CCDC30: variants seen among roughly 807,000 people sequenced by gnomAD.
The protein encoded by CCDC30 is coiled-coil domain-containing protein 30.
Under a neutral mutation model 100.2 loss-of-function variants are expected in CCDC30, and 70 were observed. The observed-to-expected ratio is 0.70, with a 90% CI of 0.58 to 0.85. The LOEUF (loss-of-function observed/expected upper bound fraction) is 0.85, where lower values mean the gene tolerates loss of function less well. Among genes scored for constraint, CCDC30 ranks in the 40% least tolerant of loss-of-function variants. The pLI is 0.00. For synonymous variants in CCDC30, 233 were observed against 269.5 expected, an observed-to-expected ratio of 0.86 and a Z score of 1.33; for missense variants, 652 against 771.2, an observed-to-expected ratio of 0.85 and a Z score of 1.83.
At chr1:42,563,929 T>C (rs1205819611) in intron 6 of CCDC30, among the ~76,000 whole-genome samples, 1 of 151,028 alleles carries the variant, frequency 6.6e-6, no homozygotes, top group African/African-American at 2.4e-5. Context: ...CCATTGAAGA[T>C]TTTTTTTTCC....
intron 12 of CCDC30, 31 bp from the exon 17 acceptor site, chr1:42,642,442 T>A: frequency 6.9e-7 from 1 of 1,451,432 alleles, no homozygotes; most frequent in Non-Finnish European, 9.1e-7. Flanking sequence ...TTTCTCCTGC[T>A]GTGGTAATTA....
chr1:42,480,493 C>T (rs1028543380), exon 2 of CCDC30: 13 of 281,382 alleles, frequency 4.6e-5, no homozygotes, highest in African/African-American at 2.5e-4. Flanking sequence ...GCATGATCTC[C>T]GTTCACTGCA....
At chr1:42,628,530 T>G (rs980059308) in intron 11 of CCDC30, among the ~76,000 whole-genome samples, 3 of 152,086 alleles carry the variant, frequency 2.0e-5, no homozygotes, top group African/African-American at 7.2e-5. Context: ...TATCTTGAAT[T>G]TTGTCTCCCA....
At chr1:42,628,132 G>C (rs1040620754) in intron 11 of CCDC30, among the ~76,000 whole-genome samples, 3 of 152,210 alleles carry the variant, frequency 2.0e-5, no homozygotes, top group African/African-American at 7.2e-5. Context: ...GCATCAGTGT[G>C]ACCTGGATGT....
chr1:42,603,763 C>T (rs1314454434), intron 10 of CCDC30, among the ~76,000 whole-genome samples: 1 of 152,174 alleles, frequency 6.6e-6, no homozygotes, highest in East Asian at 1.9e-4. Context: ...GATCCAGAAA[C>T]CATGCTCCTT....
At chr1:42,527,194 C>A (rs1256573562) in intron 6 of CCDC30, among the ~76,000 whole-genome samples, 1 of 152,184 alleles carries the variant, frequency 6.6e-6, no homozygotes, top group Non-Finnish European at 1.5e-5. Context: ...TTGTTGTACA[C>A]CCCTACTACA....
intron 6 of CCDC30, among the ~76,000 whole-genome samples, 163 bp from the exon 9 acceptor site, chr1:42,545,247 A>T (rs1276727956): frequency 6.6e-6 from 1 of 151,612 alleles, no homozygotes; most frequent in Non-Finnish European, 1.5e-5. Context: ...TAATATAACA[A>T]CTGCAAAGTA....
At chr1:42,626,056 T>C (rs1481187249) in intron 11 of CCDC30, among the ~76,000 whole-genome samples, 1 of 152,182 alleles carries the variant, frequency 6.6e-6, no homozygotes, top group Non-Finnish European at 1.5e-5. Flanking sequence ...ATATATGTAT[T>C]TATAATTGTT....
chr1:42,482,893 A>T, intron 3 of CCDC30, 77 bp downstream of exon 3: 1 of 824,814 alleles, frequency 1.2e-6, no homozygotes, highest in African/African-American at 2.1e-5. Flanking sequence ...GAACATGAGA[A>T]AAAAAAAAAA....
chr1:42,604,023 C>G (rs1205650602), intron 10 of CCDC30, among the ~76,000 whole-genome samples: 1 of 151,778 alleles, frequency 6.6e-6, no homozygotes, highest in Non-Finnish European at 1.5e-5. Flanking sequence ...AGTTTGAGAC[C>G]AACCTGAGCA....
intron 6 of CCDC30, among the ~76,000 whole-genome samples, chr1:42,533,666 GT>G (rs764254789): frequency 1.3e-5 from 2 of 152,322 alleles, no homozygotes; most frequent in South Asian, 2.1e-4. Flanking sequence ...CCACCTACAG[GT>G]GATGACCAGG....
At chr1:42,583,116 C>T (rs1318357539) in intron 9 of CCDC30, among the ~76,000 whole-genome samples, 1 of 152,092 alleles carries the variant, frequency 6.6e-6, no homozygotes, top group Non-Finnish European at 1.5e-5. Flanking sequence ...CACTGTGGCC[C>T]TCATCTTCAA....
chr1:42,640,760 G>C (rs745856075), intron 12 of CCDC30, among the ~76,000 whole-genome samples: 17 of 151,968 alleles, frequency 1.1e-4, no homozygotes, highest in African/African-American at 3.1e-4. Context: ...TGGGTGCGGT[G>C]GTGGGCACCT....
intron 6 of CCDC30, among the ~76,000 whole-genome samples, chr1:42,521,799 T>C (rs921505907): frequency 1.3e-5 from 2 of 151,904 alleles, no homozygotes; most frequent in Admixed American, 1.3e-4. Context: ...TAATATATAA[T>C]ATATTTTACA....
At chr1:42,584,095 T>C (rs1646021064) in intron 9 of CCDC30, among the ~76,000 whole-genome samples, 1 of 152,192 alleles carries the variant, frequency 6.6e-6, no homozygotes, top group South Asian at 2.1e-4. Context: ...TTATAAACTA[T>C]AAAAATGCCT....
intron 6 of CCDC30, among the ~76,000 whole-genome samples, chr1:42,562,346 G>A (rs1229755949): frequency 6.6e-6 from 1 of 152,120 alleles, no homozygotes; most frequent in Non-Finnish European, 1.5e-5. Flanking sequence ...ACAAAAACAA[G>A]CAATGGGGAA....
chr1:42,549,907 C>G (rs1645215446), intron 6 of CCDC30, among the ~76,000 whole-genome samples: 1 of 152,196 alleles, frequency 6.6e-6, no homozygotes, highest in African/African-American at 2.4e-5. Context: ...CCAACACACT[C>G]TCATTCACTA....
chr1:42,503,702 A>G (rs188788917), intron 6 of CCDC30, among the ~76,000 whole-genome samples: 24 of 152,274 alleles, frequency 1.6e-4, no homozygotes, highest in Non-Finnish European at 3.2e-4. Flanking sequence ...CTGCAGCTCA[A>G]TTTTACAGGC....
intron 15 of CCDC30, 114 bp downstream of exon 19, chr1:42,646,431 G>A (rs1475835339): frequency 8.0e-7 from 1 of 1,252,030 alleles, no homozygotes. Flanking sequence ...GTAAAACGGA[G>A]GTAGTCAAAC....
Sources: allele counts gnomAD v4.1 joint callset (sites outside exome capture counted in the v4.1 genomes callset), GRCh38; gene constraint gnomAD v4.1.1; transcripts MANE v1.5; gene names NCBI Gene and HGNC (gene_info 2026-07-23, HGNC 2026-07-21).